XPR1: variants seen among roughly 807,000 people sequenced by gnomAD.
XPR1 encodes solute carrier family 53 member 1.
XPR1 carries 28 observed loss-of-function variants against 87.5 expected under a neutral mutation model. The ratio of observed to expected loss-of-function variants is 0.32; its 90% confidence interval spans 0.24 to 0.44. The LOEUF is 0.44. Ranked by LOEUF, XPR1 falls within the 20% of genes least tolerant of loss-of-function variation. The pLI, the probability that XPR1 is intolerant of heterozygous loss-of-function variation, is 1.00. For synonymous variants in XPR1, 300 were observed against 306.1 expected, an observed-to-expected ratio of 0.98 and a Z score of 0.21; for missense variants, 559 against 862.3, an observed-to-expected ratio of 0.65 and a Z score of 4.41.
chr1:180,875,892 GAGTA>G (rs1424785051), intron 13 of XPR1, among the ~76,000 whole-genome samples: 1 of 152,066 alleles, frequency 6.6e-6, no homozygotes, highest in African/African-American at 2.4e-5. Flanking sequence ...TTTATTTAAA[GAGTA>G]AGACTATCTT....
chr1:180,706,402 A>G (rs1654912041), intron 2 of XPR1, among the ~76,000 whole-genome samples: 1 of 152,188 alleles, frequency 6.6e-6, no homozygotes, highest in Admixed American at 6.5e-5. Flanking sequence ...TTCTCCAGGT[A>G]TCTGTCAGCA....
chr1:180,710,849 G>C (rs536763029), intron 2 of XPR1, among the ~76,000 whole-genome samples: 1 of 138,242 alleles, frequency 7.2e-6, no homozygotes, highest in African/African-American at 2.6e-5. Context: ...CCTCCCTCCC[G>C]AACGGGGCAG....
rs1653117378 is a variant in XPR1, at chr1:180,889,476, C to A, written c.*5410C>A. ...AGAGCCAGGCTTCCATCTCACTATCCCTTGATCATTATCTCTGAAGTCCCT... is the reference window on the plus strand; with the variant it reads ...AGAGCCAGGCTTCCATCTCACTATCACTTGATCATTATCTCTGAAGTCCCT... On this transcript the variant is annotated 3_prime_UTR_variant, in exon 15 of 15. Transcript: ENST00000367590. 1 of 152,198 alleles carries A rather than the reference C, an allele frequency of 6.6e-6. No homozygotes were observed. The highest frequency in any genetic ancestry group is 1.9e-4 in the East Asian group (1 of 5,198). 9.4% of individuals were successfully genotyped at this position (152,198 alleles called of 1,614,324 possible).
At chr1:180,855,175 A>G (rs1322167989) in intron 11 of XPR1, among the ~76,000 whole-genome samples, 2 of 152,312 alleles carry the variant, frequency 1.3e-5, no homozygotes, top group Admixed American at 6.5e-5. Flanking sequence ...TCTTTTCACA[A>G]TGCTAGATAG....
In XPR1 at chr1:180,632,161, T is replaced by C; in HGVS notation, c.-41T>C. 1 of 1,585,820 alleles carries C rather than the reference T, an allele frequency of 6.3e-7. No homozygotes were observed. Among genetic ancestry groups the C allele is most frequent in the Non-Finnish European group, 8.6e-7 (1 of 1,166,646 alleles). Reference sequence around the variant, plus strand: ...GAGTCGCTGTTGCCGCCGCCGCCTGTAGCTGCTGGACCCGAGTGGGAGTGA... The same window carrying C: ...GAGTCGCTGTTGCCGCCGCCGCCTGCAGCTGCTGGACCCGAGTGGGAGTGA... On this transcript the variant is annotated 5_prime_UTR_variant, in exon 1 of 15. Transcript: ENST00000367590.
intron 1 of XPR1, among the ~76,000 whole-genome samples, chr1:180,668,076 C>T (rs1032050059): frequency 2.1e-5 from 3 of 146,274 alleles, no homozygotes; most frequent in Non-Finnish European, 4.5e-5. Flanking sequence ...TTTTTCTATT[C>T]TCTATTTTTT....
Position 180,682,959 on chromosome 1 carries a change from T to TTTTTA in XPR1, c.121+566_121+570dup, listed in dbSNP as rs766636420. Among the ~76,000 whole-genome samples, 469 of 152,170 alleles carry TTTTTA rather than the reference T, an allele frequency of 3.1e-3. 1 individual carries two copies. Among genetic ancestry groups the TTTTTA allele is most frequent in the Non-Finnish European group, 5.2e-3 (352 of 67,990 alleles). On this transcript the variant is annotated intron_variant, in intron 2 of 14. Coordinates refer to ENST00000367590, the MANE Select transcript of XPR1 (RefSeq NM_004736.4). The stretch of plus-strand genomic sequence containing the variant: ...TGTTCCTTCTCAGGCTGGATATTCT[T>TTTTTA]TTTTATTTTATTTTATTTTATTATT...
chr1:180,685,143 A>G (rs887901084), intron 2 of XPR1, among the ~76,000 whole-genome samples: 2 of 152,138 alleles, frequency 1.3e-5, no homozygotes, highest in East Asian at 1.9e-4. Context: ...AGCTCTTATT[A>G]TTTTGAGATA....
chr1:180,750,717 T>C (rs1647498484), intron 2 of XPR1, among the ~76,000 whole-genome samples: 1 of 152,082 alleles, frequency 6.6e-6, no homozygotes. Context: ...GTTTGACTAT[T>C]TTAACTTTTC....
intron 11 of XPR1, among the ~76,000 whole-genome samples, chr1:180,851,791 G>C (rs1651876495): frequency 6.6e-6 from 1 of 152,118 alleles, no homozygotes; most frequent in Non-Finnish European, 1.5e-5. Context: ...TGTCAAGAAA[G>C]GAAGTCCTAA....
At chr1:180,656,312 A>G (rs1655464093) in intron 1 of XPR1, among the ~76,000 whole-genome samples, 1 of 120,384 alleles carries the variant, frequency 8.3e-6, no homozygotes, top group Non-Finnish European at 1.6e-5. Flanking sequence ...GTACTCCATT[A>G]TATATATAAT....
chr1:180,702,712 G>A (rs1657389939), intron 2 of XPR1, among the ~76,000 whole-genome samples: 1 of 151,296 alleles, frequency 6.6e-6, no homozygotes, highest in African/African-American at 2.4e-5. Context: ...TCTTTATATT[G>A]TTTATCTGTG....
chr1:180,813,045 C>CG (rs1023158900), intron 7 of XPR1, among the ~76,000 whole-genome samples: 6 of 145,044 alleles, frequency 4.1e-5, no homozygotes, highest in South Asian at 2.4e-4. Context: ...TTTTTTCCCC[C>CG]CCCCCAATGG....
At chr1:180,665,900 G>T (rs1384029113) in intron 1 of XPR1, among the ~76,000 whole-genome samples, 1 of 151,974 alleles carries the variant, frequency 6.6e-6, no homozygotes, top group Non-Finnish European at 1.5e-5. Flanking sequence ...TGATGTTCCT[G>T]TGGGGATGAT....
At position 180,880,279 on chromosome 1, in the gene XPR1, G is replaced by A. The variant is rs368180888; in HGVS notation, c.2012G>A (p.Arg671Gln). The change falls in exon 14 of 15, where the codon CGG (arginine) becomes CAG (glutamine). Residue 671 changes from arginine to glutamine, a missense_variant. Physicochemically the swap from Arg to Gln is conservative, Grantham distance 43. Transcript: ENST00000367590. ...WKYNQSISLR[R>Q]PRLASQSKAR... ...TACAACCAGAGCATATCCCTGCGCCGGCCTCGCCTCGCTTCTCAGTATGTA... is the reference window on the plus strand; with the variant it reads ...TACAACCAGAGCATATCCCTGCGCCAGCCTCGCCTCGCTTCTCAGTATGTA... 3.2e-5 allele frequency: 52 copies of A among 1,614,030 alleles called. No individual in the cohort carries two copies. The highest frequency in any genetic ancestry group is 3.3e-4 in the Middle Eastern group (2 of 6,084).
At chr1:180,657,402 T>C (rs1655570018) in intron 1 of XPR1, among the ~76,000 whole-genome samples, 1 of 152,158 alleles carries the variant, frequency 6.6e-6, no homozygotes, top group Non-Finnish European at 1.5e-5. Flanking sequence ...AGTGTTTTCT[T>C]TTAGTAGTTT....
chr1:180,694,978 G>A (rs72723004), intron 2 of XPR1, among the ~76,000 whole-genome samples: 8,137 of 152,030 alleles, frequency 0.054, 316 homozygotes, highest in Non-Finnish European at 0.079. Context: ...CCAATCTGTC[G>A]TTCCCAGTGG....
At chr1:180,876,816 T>C (rs1049340299) in intron 13 of XPR1, among the ~76,000 whole-genome samples, 5 of 152,230 alleles carry the variant, frequency 3.3e-5, no homozygotes, top group Admixed American at 3.3e-4. Context: ...AACTTTCCCT[T>C]GAAATCAGGA....
chr1:180,880,008 G>A, intron 13 of XPR1, 68 bp from the exon 14 acceptor site: 8 of 1,527,218 alleles, frequency 5.2e-6, no homozygotes, highest in Non-Finnish European at 6.3e-6. Flanking sequence ...TGATACACTG[G>A]GAGGTTTACA....
Sources: allele counts gnomAD v4.1 joint callset (sites outside exome capture counted in the v4.1 genomes callset), GRCh38; gene constraint gnomAD v4.1.1; transcripts MANE v1.5; gene names NCBI Gene and HGNC (gene_info 2026-07-23, HGNC 2026-07-21).